Variants in ARHGEF7 observed in about 807,000 individuals in gnomAD.
ARHGEF7 encodes the protein Rho guanine nucleotide exchange factor 7, also known as PAK-interacting exchange factor beta.
Under a neutral mutation model 109.8 loss-of-function variants are expected in ARHGEF7, and 33 were observed. That is an observed-to-expected ratio of 0.30 (90% CI 0.23 to 0.40). The LOEUF (loss-of-function observed/expected upper bound fraction) is 0.40, where lower values mean the gene tolerates loss of function less well. Ranked by LOEUF, ARHGEF7 falls within the 10% of genes least tolerant of loss-of-function variation. The pLI is 1.00. For synonymous variants in ARHGEF7, 458 were observed against 424.6 expected, an observed-to-expected ratio of 1.08 and a Z score of -0.97; for missense variants, 938 against 1,098.5, an observed-to-expected ratio of 0.85 and a Z score of 2.07.
At chr13:111,173,400 C>A (rs1169860756) in intron 2 of ARHGEF7, among the ~76,000 whole-genome samples, 1 of 152,196 alleles carries the variant, frequency 6.6e-6, no homozygotes, top group Non-Finnish European at 1.5e-5. Flanking sequence ...GGAGTCAGAA[C>A]CAGGAAAATT....
intron 2 of ARHGEF7, among the ~76,000 whole-genome samples, chr13:111,172,315 A>C (rs939621192): frequency 1.3e-5 from 2 of 151,900 alleles, no homozygotes; most frequent in African/African-American, 4.8e-5. Context: ...AAATAAATTC[A>C]GTTCTATAAA....
intron 2 of ARHGEF7, among the ~76,000 whole-genome samples, chr13:111,164,456 G>T (rs2076973934): frequency 6.6e-6 from 1 of 152,236 alleles, no homozygotes; most frequent in Admixed American, 6.5e-5. Context: ...GACAGGGCCT[G>T]CCTCGTGGGT....
chr13:111,133,240 CAT>C (rs745935138), intron 1 of ARHGEF7, among the ~76,000 whole-genome samples: 12 of 152,040 alleles, frequency 7.9e-5, no homozygotes, highest in African/African-American at 2.4e-4. Flanking sequence ...ATAATGCACA[CAT>C]ATGCGCATAT....
intron 13 of ARHGEF7, among the ~76,000 whole-genome samples, chr13:111,278,088 C>G (rs899215503): frequency 1.3e-5 from 2 of 152,174 alleles, no homozygotes; most frequent in African/African-American, 4.8e-5. Flanking sequence ...CCAAATGCAT[C>G]AGCAAACAGA....
At chr13:111,139,550 G>T (rs1459792945) in intron 1 of ARHGEF7, among the ~76,000 whole-genome samples, 1 of 149,946 alleles carries the variant, frequency 6.7e-6, no homozygotes, top group East Asian at 2.0e-4. Flanking sequence ...GGGTGCCTGC[G>T]TGGAGCACTG....
At chr13:111,129,433 T>A (rs554049452) in intron 1 of ARHGEF7, among the ~76,000 whole-genome samples, 1 of 152,266 alleles carries the variant, frequency 6.6e-6, no homozygotes, top group Non-Finnish European at 1.5e-5. Context: ...GTTAAGAGAA[T>A]GAAAAGACAG....
chr13:111,186,019 C>T (rs1175459895), intron 2 of ARHGEF7, among the ~76,000 whole-genome samples: 1 of 142,854 alleles, frequency 7.0e-6, no homozygotes, highest in African/African-American at 2.5e-5. Flanking sequence ...CGTTTTCTGC[C>T]TGTAAGATAA....
chr13:111,290,529 G>A lies in ARHGEF7; in HGVS notation c.2135-1589G>A, dbSNP rs532327280. Among the ~76,000 whole-genome samples, 16 of 152,258 alleles carry A rather than the reference G, an allele frequency of 1.1e-4. No individual in the cohort carries two copies. The East Asian group carries it at 3.1e-3, about 29-fold the overall frequency. The stretch of plus-strand genomic sequence containing the variant: ...GAGTCCTGGAACCAATCCCCTGTGG[G>A]TGAGGGCCGACTGAGGGCTGAGCTT... On this transcript the variant is annotated intron_variant, in intron 18 of 21. Coordinates refer to ENST00000646102, the MANE Select transcript of ARHGEF7 (RefSeq NM_001354046.2).
At chr13:111,221,575 A>ATATCTATATATCTATATATATAGATACG (rs2084368772) in intron 5 of ARHGEF7, among the ~76,000 whole-genome samples, 1 of 56,478 alleles carries the variant, frequency 1.8e-5, no homozygotes, top group African/African-American at 4.7e-5. Flanking sequence ...ATATAGATAC[A>ATATCTATATATCTATATATATAGATACG]TATCTATATA....
chr13:111,153,972 G>T lies in ARHGEF7; in HGVS notation c.233G>T (p.Gly78Val). ...SNIREFLRGC[G>V]ASLRLETFDA... ...ATCCGCGAGTTCCTGCGCGGCTGCG[G>T]GGCTTCCCTGCGGCTGGAGGTGAGC... Residue 78 changes from glycine (G) to valine (V), a missense_variant, in exon 2 of 22, where the codon GGG becomes GTG. Coordinates refer to ENST00000646102, the MANE Select transcript of ARHGEF7 (RefSeq NM_001354046.2). The T allele has an allele frequency of 6.2e-7, 1 of 1,603,396 alleles. No individual in the cohort carries two copies.
At chr13:111,236,957 T>C (rs1303843146) in intron 6 of ARHGEF7, among the ~76,000 whole-genome samples, 1 of 152,108 alleles carries the variant, frequency 6.6e-6, no homozygotes, top group East Asian at 1.9e-4. Flanking sequence ...CAGAACAAGA[T>C]TGTGTCCCTA....
chr13:111,249,454 A>G (rs1392590768), intron 8 of ARHGEF7, among the ~76,000 whole-genome samples: 1 of 151,890 alleles, frequency 6.6e-6, no homozygotes. Flanking sequence ...AGGAGGGGAA[A>G]AAAGGGAGGC....
chr13:111,229,481 G>A (rs187464815), intron 5 of ARHGEF7, among the ~76,000 whole-genome samples: 129 of 152,140 alleles, frequency 8.5e-4, no homozygotes, highest in African/African-American at 3.0e-3. Context: ...TCTTCATGGC[G>A]CCTTTTTTAT....
intron 8 of ARHGEF7, among the ~76,000 whole-genome samples, chr13:111,246,173 T>C (rs2088813131): frequency 6.6e-6 from 1 of 152,260 alleles, no homozygotes; most frequent in Non-Finnish European, 1.5e-5. Flanking sequence ...GTAGTGCACA[T>C]GGAAGCTTTT....
At chr13:111,162,656 C>T (rs987388430) in intron 2 of ARHGEF7, among the ~76,000 whole-genome samples, 7 of 152,284 alleles carry the variant, frequency 4.6e-5, no homozygotes, top group African/African-American at 1.7e-4. Context: ...ATTGCCTTAC[C>T]TGTTTCTGAA....
At chr13:111,169,915 C>T (rs763184458) in intron 2 of ARHGEF7, among the ~76,000 whole-genome samples, 9 of 152,048 alleles carry the variant, frequency 5.9e-5, no homozygotes, top group Admixed American at 2.0e-4. Context: ...AACTGTCATG[C>T]GCAACAACTG....
Position 111,301,531 on chromosome 13 carries a change from AG to A in ARHGEF7, c.2466+1del. 1 of 1,604,506 alleles carries A rather than the reference AG, an allele frequency of 6.2e-7. No individual in the cohort carries two copies. The highest frequency in any genetic ancestry group is 2.2e-5 in the East Asian group (1 of 44,814). On this transcript the variant is annotated frameshift_variant and splice_region_variant, in exon 21 of 22. Transcript: ENST00000646102. LOFTEE classifies it high-confidence loss of function. ...AAGGATGAAGTTCAAGAATTAAGAC[AG>A]GTACGTCATAATCCATCTTTAAATC... ...ALKDEVQELR[Q>X]DNKKMKKSLE...
Position 111,143,139 on chromosome 13 carries a change from C to T in ARHGEF7, c.166-10766C>T, listed in dbSNP as rs564079500. ...CAAGTATGAACAGCGGAGTAGCACT[C>T]GGGACTGCAGGGACAGGAGCTGCCA... On this transcript the variant is annotated intron_variant, in intron 1 of 21. Coordinates refer to ENST00000646102, the MANE Select transcript of ARHGEF7 (RefSeq NM_001354046.2). Among the ~76,000 whole-genome samples, 4 of 152,290 alleles carry T rather than the reference C, an allele frequency of 2.6e-5. No homozygotes were observed. In the East Asian group the frequency reaches 5.8e-4, roughly 22 times the overall value.
intron 1 of ARHGEF7, among the ~76,000 whole-genome samples, chr13:111,129,477 A>T (rs1209565153): frequency 6.6e-6 from 1 of 152,228 alleles, no homozygotes; most frequent in Non-Finnish European, 1.5e-5. Flanking sequence ...TGCAAATCAC[A>T]TGTCTGTTTA....
Sources: allele counts gnomAD v4.1 joint callset (sites outside exome capture counted in the v4.1 genomes callset), GRCh38; gene constraint gnomAD v4.1.1; transcripts MANE v1.5; gene names NCBI Gene and HGNC (gene_info 2026-07-23, HGNC 2026-07-21).